Variants in SLC44A4 observed in about 807,000 individuals in gnomAD.
SLC44A4 encodes solute carrier family 44 member 4, also known as choline transporter-like protein 4.
SLC44A4 carries 74 observed loss-of-function variants against 97.0 expected under a neutral mutation model. The ratio of observed to expected loss-of-function variants is 0.76; its 90% CI spans 0.63 to 0.93. The LOEUF is 0.93. Ranked by LOEUF, SLC44A4 falls within the 40% of genes least tolerant of loss-of-function variation. The probability of loss-of-function intolerance (pLI) is 0.00; values close to 1 mark genes in which losing one functional copy is unlikely to be tolerated. For synonymous variants in SLC44A4, 325 were observed against 363.8 expected (o/e 0.89, Z 1.21); for missense variants, 799 against 902.9 (o/e 0.88, Z 1.48).
At chr6:31,871,424 G>A (rs1562451797) in intron 8 of SLC44A4, 27 bp from the exon 9 acceptor site, 8 of 1,613,274 alleles carry the variant, frequency 5.0e-6, no homozygotes, top group Non-Finnish European at 6.8e-6. Context: ...GTCAGATGGG[G>A]CTGTGGGTGG....
At chr6:31,871,117 C>T in intron 9 of SLC44A4, 70 bp from the exon 10 acceptor site, 1 of 1,428,554 alleles carries the variant, frequency 7.0e-7, no homozygotes, top group Non-Finnish European at 9.6e-7. Flanking sequence ...AGAGGCCCTC[C>T]CTGCCTTTCC....
Position 31,865,738 on chromosome 6 carries a change from C to T in SLC44A4, c.1534G>A (p.Val512Met), listed in dbSNP as rs976913132. The T allele has an allele frequency of 6.2e-7, 1 of 1,613,704 alleles. No individual in the cohort carries two copies. Among genetic ancestry groups the T allele is most frequent in the Non-Finnish European group, 8.5e-7 (1 of 1,179,964 alleles). Residue 512 changes from valine to methionine, a missense_variant, in exon 15 of 21, where the codon GTG (valine) becomes ATG (methionine). This residue lies in a region of SLC44A4 where 379 missense variants were observed against 438.3 expected (regional missense o/e 0.86). Coordinates refer to ENST00000229729, the MANE Select transcript of SLC44A4 (RefSeq NM_025257.3). The surrounding 1 kb of genome is among the most constrained non-coding windows in gnomAD (Gnocchi z 5.2). ...LAFGALILTL[V>M]QIARVILEYI... Reference sequence around the variant, plus strand: ...TCCAAGATGACCCGGGCTATCTGCACAAGGGTCAGGATGAGGGCTCCAAAT... The same window carrying T: ...TCCAAGATGACCCGGGCTATCTGCATAAGGGTCAGGATGAGGGCTCCAAAT...
rs1763441467 is a variant in SLC44A4 at position 31,876,275 on chromosome 6, C to T, written c.90-146G>A. 3.2e-6 allele frequency: 2 copies of T among 633,496 alleles called. No individual in the cohort carries two copies. The highest frequency in any genetic ancestry group is 5.4e-6 in the Non-Finnish European group (2 of 372,208). The allele number at this position is 633,496 out of a possible 1,614,324, so 39.2% of individuals were successfully genotyped here. ...TATTTTTATTTTTTTATTGCTTTTA[C>T]TTTTTTATTTTGAGACAGGGTCTCA... On this transcript the variant is annotated intron_variant, in intron 2 of 20. Coordinates refer to ENST00000229729, the MANE Select transcript of SLC44A4 (RefSeq NM_025257.3). The surrounding 1 kb of genome is among the most constrained non-coding windows in gnomAD (Gnocchi z 4.8).
Position 31,870,803 on chromosome 6 carries a change from G to C in SLC44A4, c.937+9C>G. ...CAGCTGGTGGCTTGGGGGTGGGCAG[G>C]ACACTCACGGGCGGCCAGCCAGGTC... On this transcript the variant is annotated intron_variant, in intron 10 of 20. Coordinates refer to ENST00000229729, the MANE Select transcript of SLC44A4 (RefSeq NM_025257.3). 2 of 1,612,960 alleles carry C rather than the reference G, an allele frequency of 1.2e-6. No homozygotes were observed. The highest frequency in any genetic ancestry group is 1.7e-6 in the Non-Finnish European group (2 of 1,179,940).
chr6:31,864,313 T>G, intron 20 of SLC44A4: 1 of 402,418 alleles, frequency 2.5e-6, no homozygotes, highest in Non-Finnish European at 4.5e-6. Flanking sequence ...GACCTCAGGG[T>G]GATCTGCCCA....
Position 31,874,356 on chromosome 6 carries a change from C to T in SLC44A4, c.529+104G>A, listed in dbSNP as rs1325011122. On this transcript the variant is annotated intron_variant, in intron 7 of 20. Coordinates refer to ENST00000229729, the MANE Select transcript of SLC44A4 (RefSeq NM_025257.3). This position sits in a 1 kb window ranked among gnomAD's most constrained non-coding sequence, Gnocchi z 4.8. ...CCTGATGCTAATTCCAATTTTGCCACCAACAAGCTATGTGACTTCACTCTC... is the reference window on the plus strand; with the variant it reads ...CCTGATGCTAATTCCAATTTTGCCATCAACAAGCTATGTGACTTCACTCTC... The T allele has an allele frequency of 7.5e-7, 1 of 1,337,904 alleles. No homozygotes were observed. The highest frequency in any genetic ancestry group is 1.1e-6 in the Non-Finnish European group (1 of 943,274). 82.9% of individuals were successfully genotyped at this position (1,337,904 alleles called of 1,614,324 possible).
chr6:31,876,816 G>C lies in SLC44A4; in HGVS notation c.89+218C>G, dbSNP rs139420289. ...GGTGAGTTCTCTCGCTTGTGAAGCC[G>C]GCACTTAAGTCAAGAAACAGAACAT... On this transcript the variant is annotated intron_variant, in intron 2 of 20. Coordinates refer to ENST00000229729, the MANE Select transcript of SLC44A4 (RefSeq NM_025257.3). This position sits in a 1 kb window ranked among gnomAD's most constrained non-coding sequence, Gnocchi z 4.8. Among the ~76,000 whole-genome samples, 170 of 151,878 alleles carry C rather than the reference G, an allele frequency of 1.1e-3. No individual in the cohort carries two copies. The highest frequency in any genetic ancestry group is 1.6e-3 in the Non-Finnish European group (107 of 67,928).
intron 19 of SLC44A4, 25 bp downstream of exon 19, chr6:31,864,791 A>G (rs754652248): frequency 6.2e-7 from 1 of 1,613,646 alleles, no homozygotes; most frequent in Non-Finnish European, 8.5e-7. Flanking sequence ...TTGGGGGTGG[A>G]GCAGCAGAGA....
At chr6:31,866,631 G>A (rs1472257466) in intron 13 of SLC44A4, among the ~76,000 whole-genome samples, 1 of 152,100 alleles carries the variant, frequency 6.6e-6, no homozygotes, top group Non-Finnish European at 1.5e-5. Flanking sequence ...GGTGGCTTAT[G>A]CCTGTAATCT....
chr6:31,863,943 C>T (rs1377834701), intron 20 of SLC44A4, among the ~76,000 whole-genome samples, 195 bp from the exon 21 acceptor site: 2 of 151,968 alleles, frequency 1.3e-5, no homozygotes, highest in Non-Finnish European at 2.9e-5. Flanking sequence ...TAAGAATTAG[C>T]GGAAAAAATG....
At position 31,874,615 on chromosome 6, in the gene SLC44A4, C is replaced by T. The variant is rs1763341329; in HGVS notation, c.469-95G>A. The stretch of plus-strand genomic sequence containing the variant: ...ACCATGGGGCTCAGCCTGTCCCACA[C>T]TCCCCAGGAGAGCCAACCTGGTGAT... On this transcript the variant is annotated intron_variant, in intron 6 of 20. Transcript: ENST00000229729. This position sits in a 1 kb window ranked among gnomAD's most constrained non-coding sequence, Gnocchi z 4.8. 23 of 1,566,884 alleles carry T rather than the reference C, an allele frequency of 1.5e-5. 1 individual carries two copies. In the South Asian group the frequency reaches 2.7e-4, roughly 18 times the overall value.
At position 31,865,295 on chromosome 6, in the gene SLC44A4, C is replaced by CGG. The variant is rs546801718; in HGVS notation, c.1760+18_1760+19dup. Reference sequence around the variant, plus strand: ...GAGATCAGAGGAGGGAGCCACAAAGCGGGGGGGGAGCAGCCTAACCTGACA... The same window carrying CGG: ...GAGATCAGAGGAGGGAGCCACAAAGCGGGGGGGGGGAGCAGCCTAACCTGACA... On this transcript the variant is annotated intron_variant, in intron 17 of 20. Transcript: ENST00000229729. This position sits in a 1 kb window ranked among gnomAD's most constrained non-coding sequence, Gnocchi z 5.2. The CGG allele has an allele frequency of 1.2e-6, 2 of 1,609,524 alleles. No homozygotes were observed. Among genetic ancestry groups the CGG allele is most frequent in the African/African-American group, 1.3e-5 (1 of 74,292 alleles).
intron 13 of SLC44A4, 27 bp from the exon 14 acceptor site, chr6:31,866,153 G>A (rs369621850): frequency 8.1e-6 from 13 of 1,610,478 alleles, no homozygotes; most frequent in Non-Finnish European, 1.1e-5. Flanking sequence ...GGATAGAGTA[G>A]GCTCAGGCAT....
rs34418207 is a variant in SLC44A4, at chr6:31,865,727, G to A, written c.1545C>T (p.Ala515=). Residue 515 remains alanine, a synonymous_variant, in exon 15 of 21, where the codon GCC becomes GCT. Coordinates refer to ENST00000229729, the MANE Select transcript of SLC44A4 (RefSeq NM_025257.3). The surrounding 1 kb of genome is among the most constrained non-coding windows in gnomAD (Gnocchi z 5.2). ...GGTCAATATACTCCAAGATGACCCG[G>A]GCTATCTGCACAAGGGTCAGGATGA... The part of the protein sequence containing the change: ...GALILTLVQI[A]RVILEYIDHK... 8.5e-4 allele frequency: 1,375 copies of A among 1,613,526 alleles called. 3 individuals carry two copies. The Middle Eastern group carries it at 0.012, about 14-fold the overall frequency.
chr6:31,878,848 A>T lies in SLC44A4; in HGVS notation c.40+93T>A. The T allele has an allele frequency of 7.2e-7, 1 of 1,390,656 alleles. No homozygotes were observed. Among genetic ancestry groups the T allele is most frequent in the Non-Finnish European group, 1.0e-6 (1 of 978,172 alleles). 86.1% of individuals were successfully genotyped at this position (1,390,656 alleles called of 1,614,324 possible). ...CCCTCAGGGACACAGTACTCTCCTT[A>T]GTTCCTCTCCCTGGAGCCAGCCCCA... is the stretch of plus-strand genomic sequence containing the variant. On this transcript the variant is annotated intron_variant, in intron 1 of 20. Coordinates refer to ENST00000229729, the MANE Select transcript of SLC44A4 (RefSeq NM_025257.3). The surrounding 1 kb of genome is among the most constrained non-coding windows in gnomAD (Gnocchi z 4.0).
chr6:31,869,002 G>A (rs181037542), intron 13 of SLC44A4, among the ~76,000 whole-genome samples, 153 bp downstream of exon 13: 1 of 152,240 alleles, frequency 6.6e-6, no homozygotes, highest in East Asian at 1.9e-4. Context: ...TCTGGGAACT[G>A]GTTTCTTCTA....
At chr6:31,869,094 GTGGCCCCTACA>G in intron 13 of SLC44A4, 50 bp downstream of exon 13, 1 of 1,355,284 alleles carries the variant, frequency 7.4e-7, no homozygotes, top group Non-Finnish European at 1.0e-6. Context: ...AATGAGGAAT[GTGGCCCCTACA>G]GCCCCTCACC....
In SLC44A4 at chr6:31,878,416, A is replaced by G. The variant is rs1323443069; in HGVS notation, c.40+525T>C. Among the ~76,000 whole-genome samples the G allele has an allele frequency of 2.6e-5, 4 of 151,536 alleles. No homozygotes were observed. Among genetic ancestry groups the G allele is most frequent in the Admixed American group, 2.6e-4 (4 of 15,238 alleles). On this transcript the variant is annotated intron_variant, in intron 1 of 20. Coordinates refer to ENST00000229729, the MANE Select transcript of SLC44A4 (RefSeq NM_025257.3). This position sits in a 1 kb window ranked among gnomAD's most constrained non-coding sequence, Gnocchi z 4.0. ...CCAGAGACCCTGGCAGGCAGAGGCC[A>G]GCCCACTCAGGGTCCCCTCACTCCT...
At position 31,875,872 on chromosome 6, in the gene SLC44A4, G is replaced by A; in HGVS notation, c.222C>T (p.Tyr74=). 6.2e-7 allele frequency: 1 copy of A among 1,612,114 alleles called. No individual in the cohort carries two copies. ...CTCACTTGTTCTCCCCCATGCCACA[G>A]TAGGCCCCAGTAGAGTTCCTGGGGT... The part of the protein sequence containing the change: ...VLYPRNSTGA[Y]CGMGENKDKP... The change falls in exon 4 of 21, where the codon TAC becomes TAT. Residue 74 remains tyrosine, a synonymous_variant. Coordinates refer to ENST00000229729, the MANE Select transcript of SLC44A4 (RefSeq NM_025257.3).
Sources: gnomAD v4.1 joint callset for allele counts (sites outside exome capture counted in the v4.1 genomes callset) on GRCh38, gnomAD v4.1.1 for gene constraint, gnomAD v4.1.1 regional missense constraint, Gnocchi (gnomAD v3.1) non-coding constraint, MANE v1.5 for transcripts, NCBI Gene and HGNC (gene_info 2026-07-23, HGNC 2026-07-21) for gene names.